Variants in CEP170 observed in about 807,000 individuals in gnomAD.
CEP170 encodes the protein centrosomal protein of 170 kDa.
Under a neutral mutation model 151.9 loss-of-function variants are expected in CEP170, and 21 were observed. The ratio of observed to expected loss-of-function variants is 0.14; its 90% CI spans 0.10 to 0.20. The LOEUF is 0.20. CEP170 is among the 10% of genes least tolerant of loss of function. CEP170 has a pLI of 1.00. For synonymous variants in CEP170, 356 were observed against 648.8 expected (o/e 0.55, Z 6.86); for missense variants, 964 against 1,892.9 (o/e 0.51, Z 9.11).
intron 14 of CEP170, among the ~76,000 whole-genome samples, chr1:243,150,250 C>G (rs2056934318): frequency 6.6e-6 from 1 of 152,076 alleles, no homozygotes; most frequent in African/African-American, 2.4e-5. Context: ...TCCCAAGTTT[C>G]AACGATTCTC....
chr1:243,147,466 A>T (rs1030787855), intron 14 of CEP170, among the ~76,000 whole-genome samples: 2 of 152,198 alleles, frequency 1.3e-5, no homozygotes, highest in Non-Finnish European at 2.9e-5. Flanking sequence ...TTACCACTGT[A>T]AACAGCTCAA....
At chr1:243,199,857 G>A (rs1049946815) in intron 6 of CEP170, among the ~76,000 whole-genome samples, 1 of 151,992 alleles carries the variant, frequency 6.6e-6, no homozygotes, top group Non-Finnish European at 1.5e-5. Context: ...AGCCACATTT[G>A]ATTTAAAAAA....
intron 1 of CEP170, among the ~76,000 whole-genome samples, chr1:243,240,026 G>T (rs925013946): frequency 6.6e-6 from 1 of 152,178 alleles, no homozygotes; most frequent in African/African-American, 2.4e-5. Context: ...TGATTACTTG[G>T]TAATATGAAT....
intron 2 of CEP170, 91 bp from the exon 3 acceptor site, chr1:243,221,904 A>T (rs2062850501): frequency 9.5e-7 from 1 of 1,055,980 alleles, no homozygotes; most frequent in Non-Finnish European, 1.4e-6. Context: ...TTAATAGGAC[A>T]GTAAATATAG....
intron 1 of CEP170, among the ~76,000 whole-genome samples, chr1:243,245,983 G>A: frequency 6.6e-6 from 1 of 151,802 alleles, no homozygotes; most frequent in Non-Finnish European, 1.5e-5. Flanking sequence ...TTTTAAAAAA[G>A]ATACGTAATA....
chr1:243,248,042 A>G (rs2065586948), intron 1 of CEP170, among the ~76,000 whole-genome samples: 1 of 152,254 alleles, frequency 6.6e-6, no homozygotes, highest in South Asian at 2.1e-4. Context: ...TCATCCACGT[A>G]GGAAACAGCA....
intron 3 of CEP170, among the ~76,000 whole-genome samples, chr1:243,214,189 T>C (rs946802176): frequency 6.6e-6 from 1 of 152,110 alleles, no homozygotes; most frequent in Non-Finnish European, 1.5e-5. Context: ...GAGCTTCTAA[T>C]TGTTGTTTAT....
chr1:243,236,077 G>T (rs188279839), intron 1 of CEP170, among the ~76,000 whole-genome samples: 28 of 152,280 alleles, frequency 1.8e-4, no homozygotes, highest in Admixed American at 1.7e-3. Flanking sequence ...TACCTCCTTT[G>T]TGCCAGTAAC....
At chr1:243,242,857 C>T (rs532896043) in intron 1 of CEP170, among the ~76,000 whole-genome samples, 13 of 152,288 alleles carry the variant, frequency 8.5e-5, no homozygotes, top group South Asian at 4.1e-4. Context: ...TGCGCCATTG[C>T]GCCCAGCTAA....
At chr1:243,177,012 T>C (rs2059299482) in intron 10 of CEP170, among the ~76,000 whole-genome samples, 1 of 152,256 alleles carries the variant, frequency 6.6e-6, no homozygotes, top group Non-Finnish European at 1.5e-5. Context: ...GTCATTATTA[T>C]TGAAAAGCTC....
At chr1:243,184,988 G>A (rs2059851249) in intron 10 of CEP170, among the ~76,000 whole-genome samples, 1 of 152,168 alleles carries the variant, frequency 6.6e-6, no homozygotes, top group African/African-American at 2.4e-5. Flanking sequence ...AACGGATACT[G>A]CTGTTTTGCA....
chr1:243,139,507 CTTTA>C (rs1475421273), intron 16 of CEP170, among the ~76,000 whole-genome samples: 1 of 151,234 alleles, frequency 6.6e-6, no homozygotes, highest in Non-Finnish European at 1.5e-5. Context: ...TTTCTACCTT[CTTTA>C]TTTTTTAATA....
At chr1:243,225,008 T>A (rs1328863162) in intron 2 of CEP170, among the ~76,000 whole-genome samples, 168 bp downstream of exon 2, 2 of 152,150 alleles carry the variant, frequency 1.3e-5, no homozygotes, top group Middle Eastern at 3.4e-3. Flanking sequence ...GACTTAGAAC[T>A]TTTTTTAGAT....
At chr1:243,156,784 C>A in intron 13 of CEP170, 9 of 184,714 alleles carry the variant, frequency 4.9e-5, no homozygotes, top group East Asian at 2.6e-4. Flanking sequence ...GAGTACTTTT[C>A]AATTGCAAAT....
intron 12 of CEP170, chr1:243,168,149 T>G (rs185568853): frequency 3.6e-4 from 53 of 148,742 alleles, no homozygotes; most frequent in African/African-American, 8.9e-4. Flanking sequence ...ACCAAATGAC[T>G]CTGTTCCCTC....
chr1:243,166,170 T>C, intron 12 of CEP170, 54 bp from the exon 13 acceptor site: 1 of 1,573,876 alleles, frequency 6.4e-7, no homozygotes, highest in African/African-American at 1.4e-5. Context: ...AAAATAAAAA[T>C]AAAAGGAGCA....
At chr1:243,234,405 C>T (rs755476002) in intron 1 of CEP170, among the ~76,000 whole-genome samples, 18 of 152,034 alleles carry the variant, frequency 1.2e-4, no homozygotes, top group Admixed American at 6.6e-4. Context: ...AAGAATAAAT[C>T]GTAGGAGAAA....
At chr1:243,127,493 T>A (rs1356824371) in intron 19 of CEP170, among the ~76,000 whole-genome samples, 3 of 152,152 alleles carry the variant, frequency 2.0e-5, no homozygotes, top group African/African-American at 7.2e-5. Context: ...CTTTTAAAAG[T>A]ATACCCCCAG....
At chr1:243,126,779 A>G (rs1236565734) in intron 19 of CEP170, 41 bp from the exon 20 acceptor site, 4 of 1,533,836 alleles carry the variant, frequency 2.6e-6, no homozygotes, top group Non-Finnish European at 2.6e-6. Context: ...ATGCAGTTAC[A>G]TTCACATATA....
Sources: gnomAD v4.1 joint callset for allele counts (sites outside exome capture counted in the v4.1 genomes callset) on GRCh38, gnomAD v4.1.1 for gene constraint, MANE v1.5 for transcripts, NCBI Gene and HGNC (gene_info 2026-07-23, HGNC 2026-07-21) for gene names.